The following EPHA6 variants were observed in gnomAD, a reference collection of about 807,000 sequenced individuals.
EPHA6 encodes EPH receptor A6.
In EPHA6, 50 loss-of-function variants were observed where a neutral mutation model predicts 112.0. The ratio of observed to expected loss-of-function variants is 0.45; its 90% confidence interval spans 0.36 to 0.56. The LOEUF (loss-of-function observed/expected upper bound fraction) is 0.56, where lower values mean the gene tolerates loss of function less well. Among genes scored for constraint, EPHA6 ranks in the 20% least tolerant of loss-of-function variants. The probability of loss-of-function intolerance (pLI) is 0.00; values close to 1 mark genes in which losing one functional copy is unlikely to be tolerated. For synonymous variants in EPHA6, 529 were observed against 490.7 expected, an observed-to-expected ratio of 1.08 and a Z score of -1.03; for missense variants, 1,280 against 1,417.4, an observed-to-expected ratio of 0.90 and a Z score of 1.56.
intron 10 of EPHA6, among the ~76,000 whole-genome samples, chr3:97,523,763 A>G (rs144565017): frequency 4.2e-4 from 64 of 152,110 alleles, no homozygotes; most frequent in East Asian, 3.9e-3. Context: ...TTAAATGCTT[A>G]TCTTTTTAAT....
At chr3:97,560,429 A>T (rs577022830) in intron 11 of EPHA6, 46 of 152,182 alleles carry the variant, frequency 3.0e-4, no homozygotes, top group African/African-American at 1.0e-3. Flanking sequence ...AATTGAAATT[A>T]ATGAAACTTA....
chr3:97,350,641 T>C (rs1251774688), intron 5 of EPHA6, among the ~76,000 whole-genome samples: 1 of 152,154 alleles, frequency 6.6e-6, no homozygotes, highest in Non-Finnish European at 1.5e-5. Flanking sequence ...TTTTTATATA[T>C]AACAGCCTAA....
intron 2 of EPHA6, among the ~76,000 whole-genome samples, chr3:96,922,799 ATCCCACCAAGCCCTG>A (rs2039838438): frequency 1.3e-5 from 2 of 152,052 alleles, no homozygotes; most frequent in African/African-American, 4.8e-5. Context: ...GATGCTCTCT[ATCCCACCAAGCCCTG>A]TCCCACAGGC....
intron 13 of EPHA6, chr3:97,612,577 AT>A (rs2093729520): frequency 9.4e-6 from 2 of 213,202 alleles, no homozygotes; most frequent in African/African-American, 4.6e-5. Flanking sequence ...CAAATAAAAG[AT>A]TTACTTCTAA....
At chr3:97,629,103 A>AT in intron 13 of EPHA6, among the ~76,000 whole-genome samples, 1 of 151,654 alleles carries the variant, frequency 6.6e-6, no homozygotes, top group South Asian at 2.1e-4. Context: ...CTAATTTTTT[A>AT]TTTTTGTAGA....
At chr3:96,852,537 A>G (rs1279158211) in intron 1 of EPHA6, among the ~76,000 whole-genome samples, 1 of 150,474 alleles carries the variant, frequency 6.6e-6, no homozygotes, top group South Asian at 2.2e-4. Flanking sequence ...AGGTGTTCTC[A>G]GTTACCTTGG....
chr3:97,229,288 T>C (rs557749695), intron 4 of EPHA6, among the ~76,000 whole-genome samples: 7 of 152,338 alleles, frequency 4.6e-5, no homozygotes, highest in Admixed American at 4.6e-4. Flanking sequence ...ATAAACTCTT[T>C]GCATAAGCCA....
intron 12 of EPHA6, among the ~76,000 whole-genome samples, chr3:97,593,663 A>G (rs1346999975): frequency 6.6e-6 from 1 of 152,232 alleles, no homozygotes; most frequent in African/African-American, 2.4e-5. Context: ...CCAGCAATGT[A>G]CATTTCTTGT....
chr3:97,282,613 TA>T (rs925326339), intron 5 of EPHA6, among the ~76,000 whole-genome samples: 35 of 151,898 alleles, frequency 2.3e-4, no homozygotes, highest in Admixed American at 1.9e-3. Context: ...CAGACTAGAT[TA>T]AAAAAATGTG....
At chr3:97,650,176 C>G (rs1042613823) in intron 14 of EPHA6, among the ~76,000 whole-genome samples, 4 of 152,090 alleles carry the variant, frequency 2.6e-5, no homozygotes, top group African/African-American at 9.7e-5. Context: ...TGGTAAAAGT[C>G]TTCTCCAATA....
intron 11 of EPHA6, among the ~76,000 whole-genome samples, chr3:97,544,682 G>C (rs546411155): frequency 6.6e-6 from 1 of 152,166 alleles, no homozygotes; most frequent in Non-Finnish European, 1.5e-5. Context: ...GCTCCTCTTT[G>C]TACCTCTGGT....
intron 10 of EPHA6, among the ~76,000 whole-genome samples, chr3:97,491,709 C>CA (rs2091843308): frequency 6.7e-6 from 1 of 150,082 alleles, no homozygotes; most frequent in Admixed American, 6.7e-5. Context: ...GTCTCATTGT[C>CA]ATAGAGACCC....
chr3:97,570,122 T>C (rs2093317709), intron 11 of EPHA6, among the ~76,000 whole-genome samples: 1 of 152,238 alleles, frequency 6.6e-6, no homozygotes, highest in South Asian at 2.1e-4. Context: ...CCAGAGATTT[T>C]GTATCCTAAC....
At chr3:97,328,054 C>CATATATATATATAT (rs71286029) in intron 5 of EPHA6, among the ~76,000 whole-genome samples, 1,451 of 120,798 alleles carry the variant, frequency 0.012, 90 homozygotes, top group Admixed American at 0.04. Flanking sequence ...CATATATACA[C>CATATATATATATAT]ATATATATAT....
chr3:97,305,538 T>TA (rs1248873790), intron 5 of EPHA6, among the ~76,000 whole-genome samples: 1 of 151,856 alleles, frequency 6.6e-6, no homozygotes, highest in Non-Finnish European at 1.5e-5. Context: ...TATGCAGCCA[T>TA]AAAAAGGAAT....
chr3:97,472,318 C>T (rs554676313), intron 7 of EPHA6, among the ~76,000 whole-genome samples: 36 of 151,640 alleles, frequency 2.4e-4, no homozygotes, highest in Admixed American at 2.1e-3. Context: ...TCTTGGGGAA[C>T]ATCTGTCTGG....
intron 2 of EPHA6, among the ~76,000 whole-genome samples, chr3:96,939,150 T>C (rs1194425741): frequency 1.3e-5 from 2 of 152,202 alleles, no homozygotes; most frequent in Non-Finnish European, 2.9e-5. Context: ...TCCCTCTTTT[T>C]CTGTTGATTG....
chr3:97,550,227 A>C (rs1560127447), intron 11 of EPHA6, among the ~76,000 whole-genome samples: 1 of 152,234 alleles, frequency 6.6e-6, no homozygotes, highest in Non-Finnish European at 1.5e-5. Context: ...TAAGAACCCT[A>C]AAGTCTTGAG....
chr3:97,110,960 C>G (rs776316076), intron 3 of EPHA6, among the ~76,000 whole-genome samples: 2 of 152,116 alleles, frequency 1.3e-5, no homozygotes, highest in Non-Finnish European at 2.9e-5. Flanking sequence ...ATTACCTATA[C>G]TAATATTTAA....
Sources: gnomAD v4.1 joint callset for allele counts (sites outside exome capture counted in the v4.1 genomes callset) on GRCh38, gnomAD v4.1.1 for gene constraint, MANE v1.5 for transcripts, NCBI Gene and HGNC (gene_info 2026-07-23, HGNC 2026-07-21) for gene names.